SLC25A30: variants seen among roughly 807,000 people sequenced by gnomAD.
The protein encoded by SLC25A30 is solute carrier family 25 member 30.
In SLC25A30, 29 loss-of-function variants were observed where a neutral mutation model predicts 42.7. The observed-to-expected ratio is 0.68, with a 90% CI of 0.51 to 0.93. The LOEUF (loss-of-function observed/expected upper bound fraction) is 0.93. Ranked by LOEUF, SLC25A30 falls within the 40% of genes least tolerant of loss-of-function variation. SLC25A30 has a pLI of 0.00. For synonymous variants in SLC25A30, 124 were observed against 131.0 expected (o/e 0.95, Z 0.37); for missense variants, 300 against 359.7 (o/e 0.83, Z 1.34).
At chr13:45,397,088 G>A (rs185199087) in intron 9 of SLC25A30, 170 bp downstream of exon 9, 405 of 598,326 alleles carry the variant, frequency 6.8e-4, no homozygotes, top group Middle Eastern at 4.6e-3. Context: ...TGTCTAGCAC[G>A]GAGACTTTAC....
Position 45,409,024 on chromosome 13 carries a change from T to C in SLC25A30, c.115A>G (p.Thr39Ala). The change falls in exon 3 of 10, where the codon ACG becomes GCG. Residue 39 changes from threonine to alanine, a missense_variant. Transcript: ENST00000519676. ...TKTRLQIQGQ[T>A]NDAKFKEIRY... ...ATTTCCTTAAATTTTGCATCATTCGTCTGGCCTTGAATCTGGAGCCGTGTC... is the reference window on the plus strand; with the variant it reads ...ATTTCCTTAAATTTTGCATCATTCGCCTGGCCTTGAATCTGGAGCCGTGTC... The C allele has an allele frequency of 6.2e-7, 1 of 1,613,486 alleles. No individual in the cohort carries two copies. The highest frequency in any genetic ancestry group is 8.5e-7 in the Non-Finnish European group (1 of 1,179,744).
rs1322955547 is a variant in SLC25A30 at position 45,400,014 on chromosome 13, T to TTATATATATATATATA, written c.615-952_615-937dup. On this transcript the variant is annotated intron_variant, in intron 7 of 9. Coordinates refer to ENST00000519676, the MANE Select transcript of SLC25A30 (RefSeq NM_001010875.4). The stretch of plus-strand genomic sequence containing the variant: ...TTGCCCACCAATGGATTATGTATGA[T>TTATATATATATATATA]TATATATATATATATATATACACAC... 5.5e-3 allele frequency among the ~76,000 whole-genome samples: 484 copies of TTATATATATATATATA among 87,672 alleles called. 1 individual carries two copies. Among genetic ancestry groups the TTATATATATATATATA allele is most frequent in the Middle Eastern group, 0.01 (2 of 192 alleles). 57.5% of individuals were successfully genotyped at this position (87,672 alleles called of 152,430 possible).
At chr13:45,407,450 T>C (rs1411435661) in intron 3 of SLC25A30, among the ~76,000 whole-genome samples, 2 of 151,988 alleles carry the variant, frequency 1.3e-5, no homozygotes, top group South Asian at 2.1e-4. Flanking sequence ...GTTCCAGCTA[T>C]GTAGGGGGCT....
Position 45,398,957 on chromosome 13 carries a change from G to A in SLC25A30, c.736C>T (p.Leu246=). The stretch of plus-strand genomic sequence containing the variant: ...GCTCTTACCTGTAACAAGCAATCCA[G>A]GGTTCCTGTGTAGCCAGAACATCTG... ...DGRCSGYTGT[L]DCLLQTWKNE... The change falls in exon 8 of 10, where the codon CTG becomes TTG. Residue 246 remains leucine (L), a synonymous_variant. Coordinates refer to ENST00000519676, the MANE Select transcript of SLC25A30 (RefSeq NM_001010875.4). The A allele has an allele frequency of 6.2e-7, 1 of 1,614,070 alleles. No individual in the cohort carries two copies. The highest frequency in any genetic ancestry group is 1.6e-4 in the Middle Eastern group (1 of 6,062).
At chr13:45,411,594 C>T in intron 1 of SLC25A30, 114 bp from the exon 2 acceptor site, 1 of 651,786 alleles carries the variant, frequency 1.5e-6, no homozygotes, top group Non-Finnish European at 2.7e-6. Flanking sequence ...ACCCCTGCAG[C>T]AATTCCCAAG....
intron 6 of SLC25A30, 21 bp from the exon 7 acceptor site, chr13:45,401,228 T>C: frequency 2.5e-6 from 4 of 1,612,710 alleles, no homozygotes; most frequent in Non-Finnish European, 3.4e-6. Context: ...ATATTAACAA[T>C]AAAAATGATT....
In SLC25A30 at chr13:45,398,955, C is replaced by G. The variant is rs1336847228; in HGVS notation, c.738G>C (p.Leu246=). ...DGRCSGYTGT[L]DCLLQTWKNE... ...CTGCTCTTACCTGTAACAAGCAATC[C>G]AGGGTTCCTGTGTAGCCAGAACATC... The change falls in exon 8 of 10, where the codon CTG becomes CTC. Residue 246 remains leucine, a synonymous_variant. Coordinates refer to ENST00000519676, the MANE Select transcript of SLC25A30 (RefSeq NM_001010875.4). 6.2e-7 allele frequency: 1 copy of G among 1,613,868 alleles called. No individual in the cohort carries two copies. Among genetic ancestry groups the G allele is most frequent in the South Asian group, 1.1e-5 (1 of 91,078 alleles).
chr13:45,423,617 A>AAT, the SLC25A30 span, among the ~76,000 whole-genome samples: 635 of 96,114 alleles, frequency 6.6e-3, 125 homozygotes, highest in South Asian at 0.012. Flanking sequence ...ATATATATAA[A>AAT]ATATATATAT....
chr13:45,427,019 A>G, the SLC25A30 span, among the ~76,000 whole-genome samples: 1 of 152,146 alleles, frequency 6.6e-6, no homozygotes, highest in South Asian at 2.1e-4. Flanking sequence ...TCATATAACA[A>G]CAGATTTACC....
chr13:45,397,386 C>A, intron 8 of SLC25A30, 48 bp from the exon 9 acceptor site: 1 of 1,353,732 alleles, frequency 7.4e-7, no homozygotes, highest in South Asian at 1.2e-5. Flanking sequence ...CTAATTATGC[C>A]AAATGCATTA....
chr13:45,419,716 G>T (rs1416450591), upstream of SLC25A30, among the ~76,000 whole-genome samples: 1 of 151,140 alleles, frequency 6.6e-6, no homozygotes, highest in Non-Finnish European at 1.5e-5. Context: ...GATCACCTGA[G>T]GTCGGGAGTT....
intron 6 of SLC25A30, 128 bp downstream of exon 6, chr13:45,402,147 C>T (rs1430055434): frequency 1.7e-6 from 1 of 581,278 alleles, no homozygotes; most frequent in Admixed American, 3.3e-5. Context: ...TTTTCATGGG[C>T]AGAAGATGCC....
chr13:45,423,666 T>TA, the SLC25A30 span, among the ~76,000 whole-genome samples: 120 of 11,068 alleles, frequency 0.011, 23 homozygotes, highest in African/African-American at 0.027. Context: ...TAAATATATA[T>TA]AAAATACATA....
chr13:45,398,806 G>A, intron 8 of SLC25A30, 134 bp downstream of exon 8: 1 of 827,360 alleles, frequency 1.2e-6, no homozygotes, highest in Non-Finnish European at 1.8e-6. Flanking sequence ...TGGCAAAAAT[G>A]GTCTCACACA....
intron 8 of SLC25A30, 192 bp downstream of exon 8, chr13:45,398,748 G>T: frequency 2.1e-6 from 1 of 471,868 alleles, no homozygotes; most frequent in South Asian, 3.4e-5. Context: ...CACAGCAGAT[G>T]GAGGTATAAA....
chr13:45,406,940 G>A (rs1882566190), intron 3 of SLC25A30, among the ~76,000 whole-genome samples: 1 of 152,134 alleles, frequency 6.6e-6, no homozygotes, highest in Non-Finnish European at 1.5e-5. Flanking sequence ...CCCTGTGTGA[G>A]CTCACCTACT....
At position 45,395,806 on chromosome 13, in the gene SLC25A30, G is replaced by A; in HGVS notation, c.*168C>T. ...TATGCCATTAAACGTTTGATGAAGAGCATCCAATGCCAACACACAGCAATC... is the reference window on the plus strand; with the variant it reads ...TATGCCATTAAACGTTTGATGAAGAACATCCAATGCCAACACACAGCAATC... On this transcript the variant is annotated 3_prime_UTR_variant, in exon 10 of 10. Transcript: ENST00000519676. The A allele has an allele frequency of 6.7e-7, 1 of 1,497,998 alleles. No homozygotes were observed. The highest frequency in any genetic ancestry group is 1.3e-5 in the South Asian group (1 of 75,954). The allele number at this position is 1,497,998 out of a possible 1,614,324, so 92.8% of individuals were successfully genotyped here. A position where few individuals can be genotyped will look rare whatever the true frequency, so the allele number is the denominator to read the frequency against.
At chr13:45,432,218 C>T in the SLC25A30 span, among the ~76,000 whole-genome samples, 11 of 148,970 alleles carry the variant, frequency 7.4e-5, no homozygotes, top group Middle Eastern at 3.5e-3. Context: ...TGCAGTGAGC[C>T]GAGATCATAT....
At position 45,394,963 on chromosome 13, in the gene SLC25A30, TTA is replaced by T. The variant is rs1427481518; in HGVS notation, c.*1009_*1010del. 5.1e-6 allele frequency: 5 copies of T among 985,320 alleles called. No individual in the cohort carries two copies. The highest frequency in any genetic ancestry group is 6.0e-6 in the Non-Finnish European group (5 of 829,942). 61.0% of individuals were successfully genotyped at this position (985,320 alleles called of 1,614,324 possible). On this transcript the variant is annotated 3_prime_UTR_variant, in exon 10 of 10. Transcript: ENST00000519676. ...AAGGAAAATGTACTAAAGCCTGAAC[TTA>T]TACAGTGTTCTTTCTTCAACAAGAC...
Sources: allele counts gnomAD v4.1 joint callset (sites outside exome capture counted in the v4.1 genomes callset), GRCh38; gene constraint gnomAD v4.1.1; transcripts MANE v1.5; gene names NCBI Gene and HGNC (gene_info 2026-07-23, HGNC 2026-07-21).